Variants in SLC68A1 observed in about 807,000 individuals in gnomAD.
The protein encoded by SLC68A1 is solute carrier family 68 member 1.
the SLC68A1 span, chr10:102,473,528 A>T: frequency 6.5e-7 from 1 of 1,544,496 alleles, no homozygotes; most frequent in Non-Finnish European, 8.8e-7. Flanking sequence ...CTGGCACTGC[A>T]GCAGTGCCCT....
chr10:102,472,583 T>C, the SLC68A1 span, among the ~76,000 whole-genome samples: 1 of 152,216 alleles, frequency 6.6e-6, no homozygotes, highest in South Asian at 2.1e-4. Flanking sequence ...CACTAATGTG[T>C]TTTCAATTAA....
chr10:102,465,347 C>T, the SLC68A1 span, among the ~76,000 whole-genome samples: 2 of 152,138 alleles, frequency 1.3e-5, no homozygotes, highest in Non-Finnish European at 1.5e-5. Flanking sequence ...ATTGCTTGAA[C>T]CCAGGAGGCG....
At chr10:102,468,926 C>T in the SLC68A1 span, 4 of 939,098 alleles carry the variant, frequency 4.3e-6, no homozygotes, top group Non-Finnish European at 6.4e-6. Flanking sequence ...GCTCTGATCC[C>T]TGTTGCTCAC....
the SLC68A1 span, chr10:102,473,876 G>T: frequency 6.8e-6 from 11 of 1,614,178 alleles, no homozygotes; most frequent in Non-Finnish European, 9.3e-6. Flanking sequence ...TCACTGACCT[G>T]GTAGACGAGG....
the SLC68A1 span, chr10:102,476,075 G>T: frequency 1.3e-3 from 1,390 of 1,111,684 alleles, no homozygotes; most frequent in Non-Finnish European, 1.4e-3. Flanking sequence ...GGATTTCATA[G>T]TTTTTTTTTT....
At chr10:102,476,976 C>T in the SLC68A1 span, 5 of 986,038 alleles carry the variant, frequency 5.1e-6, no homozygotes, top group South Asian at 1.4e-4. Context: ...GGCTCCCCCA[C>T]CCCCACACGG....
chr10:102,464,389 T>C, the SLC68A1 span, among the ~76,000 whole-genome samples: 1 of 151,502 alleles, frequency 6.6e-6, no homozygotes, highest in Admixed American at 6.6e-5. Flanking sequence ...AGGCGGAGGT[T>C]GCAGTGAGCC....
the SLC68A1 span, chr10:102,474,120 A>G: frequency 8.3e-7 from 1 of 1,209,844 alleles, no homozygotes; most frequent in Non-Finnish European, 1.1e-6. Flanking sequence ...GAAGGTGGCA[A>G]CTGGCGTCCC....
chr10:102,475,819 C>T, the SLC68A1 span: 51 of 1,614,078 alleles, frequency 3.2e-5, 1 homozygote, highest in African/African-American at 6.3e-4. Flanking sequence ...CCCCGACGCT[C>T]CGCCAGGGCT....
the SLC68A1 span, chr10:102,473,014 G>C: frequency 7.6e-7 from 1 of 1,312,324 alleles, no homozygotes; most frequent in South Asian, 1.2e-5. Context: ...TTTTAGTAGA[G>C]ATGGGGTTTC....
At chr10:102,461,897 T>C in the SLC68A1 span, 1 of 152,218 alleles carries the variant, frequency 6.6e-6, no homozygotes, top group Admixed American at 6.5e-5. Flanking sequence ...TCGGTATTAT[T>C]GCACAGCTCC....
At chr10:102,465,115 G>A in the SLC68A1 span, among the ~76,000 whole-genome samples, 1 of 152,046 alleles carries the variant, frequency 6.6e-6, no homozygotes, top group South Asian at 2.1e-4. Flanking sequence ...AAAATTTGCC[G>A]AGTGTGGTGG....
At chr10:102,466,482 CAAAAAA>C in the SLC68A1 span, among the ~76,000 whole-genome samples, 3 of 100,810 alleles carry the variant, frequency 3.0e-5, no homozygotes, top group South Asian at 3.2e-4. Context: ...GACTCCACCT[CAAAAAA>C]AAAAAAAAAA....
chr10:102,462,266 A>C, the SLC68A1 span, among the ~76,000 whole-genome samples: 1 of 152,176 alleles, frequency 6.6e-6, no homozygotes, highest in African/African-American at 2.4e-5. Context: ...AAAAGGGCAC[A>C]TATTATACCT....
the SLC68A1 span, among the ~76,000 whole-genome samples, chr10:102,463,190 A>G: frequency 1.5e-5 from 2 of 131,810 alleles, no homozygotes; most frequent in African/African-American, 5.9e-5. Context: ...TTTTTTTTTA[A>G]GAGACGGAGT....
the SLC68A1 span, chr10:102,476,212 A>T: frequency 4.4e-6 from 3 of 681,220 alleles, no homozygotes; most frequent in Non-Finnish European, 6.4e-6. Flanking sequence ...GGATTATAGG[A>T]GCGTGCCACC....
At chr10:102,476,641 T>C in the SLC68A1 span, 16 of 985,998 alleles carry the variant, frequency 1.6e-5, no homozygotes, top group South Asian at 2.8e-4. Flanking sequence ...CTGGCTCAGC[T>C]TGGGCAAGGG....
At chr10:102,469,927 AG>A in the SLC68A1 span, 65 of 1,568,830 alleles carry the variant, frequency 4.1e-5, no homozygotes, top group Middle Eastern at 1.7e-4. Context: ...GAGCAGGCTG[AG>A]GGGGGAGGAG....
the SLC68A1 span, chr10:102,470,990 C>T: frequency 1.8e-5 from 29 of 1,613,138 alleles, no homozygotes; most frequent in African/African-American, 1.3e-5. Flanking sequence ...CTCCTCCTTC[C>T]GCGCTTTCTG....
Sources: gnomAD v4.1 joint callset for allele counts (sites outside exome capture counted in the v4.1 genomes callset) on GRCh38, gnomAD v4.1.1 for gene constraint, MANE v1.5 for transcripts, NCBI Gene and HGNC (gene_info 2026-07-23, HGNC 2026-07-21) for gene names.